The following POC1B variants were observed in gnomAD, a reference collection of about 807,000 sequenced individuals.
POC1B encodes POC1 centriolar protein B, also known as POC1 centriolar protein homolog B.
POC1B carries 44 observed loss-of-function variants against 60.6 expected under a neutral mutation model. That is an observed-to-expected ratio of 0.73 (90% CI 0.57 to 0.93). POC1B has a LOEUF of 0.93. Among genes scored for constraint, POC1B ranks in the 40% least tolerant of loss-of-function variants. The pLI, the probability that POC1B is intolerant of heterozygous loss-of-function variation, is 0.00. For synonymous variants in POC1B, 180 were observed against 198.9 expected (o/e 0.90, Z 0.80); for missense variants, 555 against 572.3 (o/e 0.97, Z 0.31).
At chr12:89,444,855 C>A (rs1439110486) in intron 10 of POC1B, among the ~76,000 whole-genome samples, 3 of 152,158 alleles carry the variant, frequency 2.0e-5, no homozygotes, top group African/African-American at 7.2e-5. Context: ...ATTTAGAAAA[C>A]CCCATCGTCT....
chr12:89,467,607 AT>A lies in POC1B; in HGVS notation c.879+9del, dbSNP rs750081502. ...AACCAAATCAAAGAGGAGCTGAAAG[AT>A]TTACAAACCTGTGTGTCTGCACCTC... On this transcript the variant is annotated intron_variant, in intron 8 of 11. Transcript: ENST00000313546. The A allele has an allele frequency of 1.9e-6, 3 of 1,605,280 alleles. No homozygotes were observed. Among genetic ancestry groups the A allele is most frequent in the Admixed American group, 3.3e-5 (2 of 59,820 alleles).
At chr12:89,425,132 G>A in intron 11 of POC1B, 29 bp downstream of exon 11, 1 of 1,604,834 alleles carries the variant, frequency 6.2e-7, no homozygotes, top group South Asian at 1.1e-5. Flanking sequence ...ACCCCCAAGT[G>A]CAACTCATGC....
Position 89,501,058 on chromosome 12 carries a change from A to G in POC1B, c.101-3716T>C, listed in dbSNP as rs780229872. On this transcript the variant is annotated intron_variant, in intron 2 of 11. Coordinates refer to ENST00000313546, the MANE Select transcript of POC1B (RefSeq NM_172240.3). ...AGTTTTGCCAGTAGATCTTGGGATTACTATACCAAGAAAGGCGGGGCCTCT... is the reference window on the plus strand; with the variant it reads ...AGTTTTGCCAGTAGATCTTGGGATTGCTATACCAAGAAAGGCGGGGCCTCT... 307 of 1,085,226 alleles carry G rather than the reference A, an allele frequency of 2.8e-4. 1 individual carries two copies. The highest frequency in any genetic ancestry group is 2.2e-3 in the Middle Eastern group (9 of 4,000). 67.2% of individuals were successfully genotyped at this position (1,085,226 alleles called of 1,614,324 possible).
rs774891372 is a variant in POC1B at position 89,466,753 on chromosome 12, A to G, written c.1032+17T>C. 6.3e-7 allele frequency: 1 copy of G among 1,596,468 alleles called. No individual in the cohort carries two copies. The highest frequency in any genetic ancestry group is 1.1e-5 in the South Asian group (1 of 88,206). On this transcript the variant is annotated intron_variant, in intron 9 of 11. Coordinates refer to ENST00000313546, the MANE Select transcript of POC1B (RefSeq NM_172240.3). ...AATGTACACAAAATGTAGGACAAATATGAACAAAATACTCACTTCTACAGT... is the reference window on the plus strand; with the variant it reads ...AATGTACACAAAATGTAGGACAAATGTGAACAAAATACTCACTTCTACAGT...
At chr12:89,416,231 G>T (rs1416540146), downstream of POC1B, among the ~76,000 whole-genome samples, 1 of 152,204 alleles carries the variant, frequency 6.6e-6, no homozygotes, top group Non-Finnish European at 1.5e-5. Flanking sequence ...CCAGAGATAA[G>T]CACAGAATGC....
chr12:89,451,105 A>G lies in POC1B; in HGVS notation c.1113+8533T>C, dbSNP rs186627420. Among the ~76,000 whole-genome samples the G allele has an allele frequency of 1.6e-4, 25 of 152,340 alleles. No homozygotes were observed. In the East Asian group the frequency reaches 1.7e-3, roughly 11 times the overall value. The stretch of plus-strand genomic sequence containing the variant: ...TGAGATGGTTTGTTCACAAGGAGGA[A>G]AGAGGAATGTTCATTAAAAAGACAT... On this transcript the variant is annotated intron_variant, in intron 10 of 11. Coordinates refer to ENST00000313546, the MANE Select transcript of POC1B (RefSeq NM_172240.3).
chr12:89,472,448 A>G lies in POC1B; in HGVS notation c.453-173T>C, dbSNP rs1882937058. ...CAAGATCTTCATCATGACAAACAAC[A>G]CTGACAGACCATTAAAAGGTCAAAA... On this transcript the variant is annotated intron_variant, in intron 4 of 11. Coordinates refer to ENST00000313546, the MANE Select transcript of POC1B (RefSeq NM_172240.3). 5.6e-6 allele frequency: 3 copies of G among 536,970 alleles called. No homozygotes were observed. The South Asian group carries it at 7.6e-5, about 14-fold the overall frequency. 33.3% of individuals were successfully genotyped at this position (536,970 alleles called of 1,614,324 possible).
chr12:89,439,581 T>C (rs557202034), intron 10 of POC1B, among the ~76,000 whole-genome samples: 1 of 152,194 alleles, frequency 6.6e-6, no homozygotes, highest in African/African-American at 2.4e-5. Flanking sequence ...ATATTTTGAG[T>C]AGCAAAGTTT....
At chr12:89,471,573 G>T in intron 6 of POC1B, 41 bp downstream of exon 6, 1 of 1,461,676 alleles carries the variant, frequency 6.8e-7, no homozygotes, top group Non-Finnish European at 9.6e-7. Context: ...TCCAAAAGGA[G>T]TCCATTCGGT....
chr12:89,517,381 C>T (rs1870490486), intron 2 of POC1B, among the ~76,000 whole-genome samples: 1 of 152,146 alleles, frequency 6.6e-6, no homozygotes, highest in Non-Finnish European at 1.5e-5. Flanking sequence ...AACTGTAATC[C>T]CAGCACTTTG....
At chr12:89,454,755 A>G (rs558030561) in intron 10 of POC1B, among the ~76,000 whole-genome samples, 1 of 152,184 alleles carries the variant, frequency 6.6e-6, no homozygotes, top group South Asian at 2.1e-4. Context: ...CCTGTACTAT[A>G]TACAGTTTAT....
chr12:89,459,603 T>TA, intron 10 of POC1B, 35 bp downstream of exon 10: 3 of 1,104,840 alleles, frequency 2.7e-6, no homozygotes, highest in Non-Finnish European at 3.7e-6. Context: ...AAATGCCACT[T>TA]AAGTGTCAAA....
intron 10 of POC1B, among the ~76,000 whole-genome samples, chr12:89,434,230 T>A (rs1881156972): frequency 6.6e-6 from 1 of 152,228 alleles, no homozygotes; most frequent in Non-Finnish European, 1.5e-5. Context: ...GGATAAGATT[T>A]TATAGAGGAC....
intron 10 of POC1B, chr12:89,425,900 T>A (rs936407879): frequency 6.5e-6 from 1 of 153,232 alleles, no homozygotes; most frequent in Non-Finnish European, 1.5e-5. Flanking sequence ...CTCCTACGTA[T>A]ACATCCAGGA....
At chr12:89,493,010 C>T (rs142808705) in intron 3 of POC1B, among the ~76,000 whole-genome samples, 89 of 152,282 alleles carry the variant, frequency 5.8e-4, no homozygotes, top group African/African-American at 2.0e-3. Flanking sequence ...TAAATCCCAG[C>T]GTAAATGTGT....
chr12:89,498,609 A>G (rs1869378413), intron 2 of POC1B, among the ~76,000 whole-genome samples: 1 of 152,260 alleles, frequency 6.6e-6, no homozygotes, highest in Admixed American at 6.5e-5. Flanking sequence ...CATGTAAAAC[A>G]GTTAAAAGTG....
intron 10 of POC1B, among the ~76,000 whole-genome samples, chr12:89,446,351 C>T (rs1028497428): frequency 5.3e-5 from 8 of 152,164 alleles, no homozygotes; most frequent in Non-Finnish European, 1.2e-4. Context: ...TTGGAACCAA[C>T]CCAAATGTCC....
In POC1B at chr12:89,517,307, T is replaced by C. The variant is rs749760515; in HGVS notation, c.100+7813A>G. Reference sequence around the variant, plus strand: ...GAAGTATTCCTTGACCCCATAAATATAAGGATGTCTCCACTGTTATCCTCC... The same window carrying C: ...GAAGTATTCCTTGACCCCATAAATACAAGGATGTCTCCACTGTTATCCTCC... On this transcript the variant is annotated intron_variant, in intron 2 of 11. Transcript: ENST00000313546. Among the ~76,000 whole-genome samples, 63 of 152,252 alleles carry C rather than the reference T, an allele frequency of 4.1e-4. 1 individual carries two copies. Among genetic ancestry groups the C allele is most frequent in the Admixed American group, 3.3e-3 (51 of 15,288 alleles).
chr12:89,449,730 A>G (rs956904787), intron 10 of POC1B, among the ~76,000 whole-genome samples: 12 of 152,210 alleles, frequency 7.9e-5, no homozygotes, highest in Non-Finnish European at 1.5e-4. Flanking sequence ...AAAACTGTAC[A>G]TTATATAATA....
Sources: allele counts gnomAD v4.1 joint callset (sites outside exome capture counted in the v4.1 genomes callset), GRCh38; gene constraint gnomAD v4.1.1; transcripts MANE v1.5; gene names NCBI Gene and HGNC (gene_info 2026-07-23, HGNC 2026-07-21).